The following PXMP4 variants were observed in gnomAD, a reference collection of about 807,000 sequenced individuals.
PXMP4 encodes the protein peroxisomal membrane protein 4.
PXMP4 carries 16 observed loss-of-function variants against 21.6 expected under a neutral mutation model. The ratio of observed to expected loss-of-function variants is 0.74; its 90% CI spans 0.50 to 1.13. The LOEUF (loss-of-function observed/expected upper bound fraction) is 1.13, where lower values mean the gene tolerates loss of function less well. Ranked by LOEUF, PXMP4 falls within the 50% of genes most tolerant of loss-of-function variation. PXMP4 has a pLI of 0.00. For synonymous variants in PXMP4, 127 were observed against 123.8 expected (o/e 1.03, Z -0.17); for missense variants, 240 against 277.7 (o/e 0.86, Z 0.96).
chr20:33,714,426 G>A (rs1181002643), intron 2 of PXMP4, among the ~76,000 whole-genome samples: 1 of 152,122 alleles, frequency 6.6e-6, no homozygotes, highest in African/African-American at 2.4e-5. Context: ...GACTGAAGCA[G>A]GAGAATCGCT....
rs73261877 is a variant in PXMP4 at position 33,709,319 on chromosome 20, C to T, written c.375+1236G>A. Among the ~76,000 whole-genome samples the T allele has an allele frequency of 5.5e-3, 831 of 152,206 alleles. 7 individuals carry two copies. Among genetic ancestry groups the T allele is most frequent in the African/African-American group, 0.019 (769 of 41,522 alleles). Reference sequence around the variant, plus strand: ...CAACAAAAACAAAACAGAACAAAAACCCAACGACTAGCTTTTAGTCTCTTA... The same window carrying T: ...CAACAAAAACAAAACAGAACAAAAATCCAACGACTAGCTTTTAGTCTCTTA... On this transcript the variant is annotated intron_variant, in intron 3 of 3. Coordinates refer to ENST00000409299, the MANE Select transcript of PXMP4 (RefSeq NM_007238.5).
intron 3 of PXMP4, among the ~76,000 whole-genome samples, chr20:33,709,927 ACT>A (rs1295906181): frequency 1.8e-5 from 2 of 108,490 alleles, no homozygotes; most frequent in African/African-American, 3.7e-5. Context: ...CCCACTCCTA[ACT>A]CTACACTGAA....
Position 33,710,733 on chromosome 20 carries a change from G to C in PXMP4, c.197C>G (p.Ala66Gly). ...GTGGATATATGTGGCCTGCAGTATG[G>C]CCCACAGCTTCTCCTGGAGGCTGCA... ...RNGSLQEKLWAILQATYIHSW... is the reference protein window; with the variant it reads ...RNGSLQEKLWGILQATYIHSW... The change falls in exon 3 of 4, where the codon GCC becomes GGC. Residue 66 changes from alanine (A) to glycine (G), a missense_variant. Transcript: ENST00000409299. 6.2e-7 allele frequency: 1 copy of C among 1,610,122 alleles called. No individual in the cohort carries two copies. Among genetic ancestry groups the C allele is most frequent in the Non-Finnish European group, 8.5e-7 (1 of 1,177,488 alleles).
In PXMP4 at chr20:33,716,527, ACTT is replaced by A. The variant is rs572670694; in HGVS notation, c.114-1794_114-1792del. Among the ~76,000 whole-genome samples, 10 of 151,978 alleles carry A rather than the reference ACTT, an allele frequency of 6.6e-5. No individual in the cohort carries two copies. In the South Asian group the frequency reaches 1.0e-3, roughly 16 times the overall value. On this transcript the variant is annotated intron_variant, in intron 1 of 3. Transcript: ENST00000409299. ...ATTTTTCATTGCCACAGATCCCAAA[ACTT>A]CTCTCCAGCACTTCATCTTCCCAAT...
At chr20:33,714,782 ACTTT>A (rs1162293942) in intron 1 of PXMP4, 46 bp from the exon 2 acceptor site, 1 of 1,587,756 alleles carries the variant, frequency 6.3e-7, no homozygotes, top group Non-Finnish European at 8.6e-7. Flanking sequence ...ACTGTGTCGC[ACTTT>A]CTTTTTGGGC....
At chr20:33,713,799 A>G (rs1481535895) in intron 2 of PXMP4, among the ~76,000 whole-genome samples, 2 of 152,274 alleles carry the variant, frequency 1.3e-5, no homozygotes, top group Non-Finnish European at 2.9e-5. Flanking sequence ...CTGCCAGTGC[A>G]TGATTCCTGT....
At chr20:33,710,799 C>T (rs1432085925) in intron 2 of PXMP4, 46 bp from the exon 3 acceptor site, 2 of 1,514,362 alleles carry the variant, frequency 1.3e-6, no homozygotes, top group African/African-American at 2.8e-5. Flanking sequence ...GCTCAGCAGC[C>T]CCAAAGGGCT....
At chr20:33,716,028 G>A (rs1398414194) in intron 1 of PXMP4, among the ~76,000 whole-genome samples, 1 of 149,788 alleles carries the variant, frequency 6.7e-6, no homozygotes, top group Non-Finnish European at 1.5e-5. Flanking sequence ...ATTTTTAGTA[G>A]AGACGAGGTT....
chr20:33,719,256 C>G (rs1392979909), intron 1 of PXMP4, among the ~76,000 whole-genome samples: 2 of 152,302 alleles, frequency 1.3e-5, no homozygotes, highest in East Asian at 3.9e-4. Flanking sequence ...AGTACCATGC[C>G]CATTTTACAG....
intron 3 of PXMP4, among the ~76,000 whole-genome samples, chr20:33,709,449 C>G (rs1175088497): frequency 6.6e-6 from 1 of 152,078 alleles, no homozygotes; most frequent in Non-Finnish European, 1.5e-5. Context: ...TTATGAAAAC[C>G]TTACTTCAGG....
At position 33,707,764 on chromosome 20, in the gene PXMP4, T is replaced by C. The variant is rs774864320; in HGVS notation, c.581A>G (p.Asn194Ser). ...SSMTYLYEDS[N>S]VWHDISDFLV... Reference sequence around the variant, plus strand: ...GAAGTCTGAGATGTCGTGCCATACATTGCTGTCCTCATAGAGGTAGGTCAT... The same window carrying C: ...GAAGTCTGAGATGTCGTGCCATACACTGCTGTCCTCATAGAGGTAGGTCAT... The change falls in exon 4 of 4, where the codon AAT becomes AGT. Residue 194 changes from asparagine (N) to serine (S), a missense_variant. Coordinates refer to ENST00000409299, the MANE Select transcript of PXMP4 (RefSeq NM_007238.5). 3.1e-5 allele frequency: 50 copies of C among 1,614,050 alleles called. No homozygotes were observed. Among genetic ancestry groups the C allele is most frequent in the Admixed American group, 1.0e-4 (6 of 59,992 alleles).
chr20:33,720,124 G>C lies in PXMP4; in HGVS notation c.84C>G (p.Ala28=), dbSNP rs1294196265. 2 of 1,613,666 alleles carry C rather than the reference G, an allele frequency of 1.2e-6. No individual in the cohort carries two copies. Among genetic ancestry groups the C allele is most frequent in the South Asian group, 1.1e-5 (1 of 91,078 alleles). Reference sequence around the variant, plus strand: ...CCCCGTTCCGGAAGCCCTTAAGCACGGCCAACGCAGCGTGGTAGCGGCGCT... The same window carrying C: ...CCCCGTTCCGGAAGCCCTTAAGCACCGCCAACGCAGCGTGGTAGCGGCGCT... ...LRKRRYHAAL[A]VLKGFRNGAV... Residue 28 remains alanine, a synonymous_variant, in exon 1 of 4, where the codon GCC becomes GCG. Coordinates refer to ENST00000409299, the MANE Select transcript of PXMP4 (RefSeq NM_007238.5).
chr20:33,717,527 C>A (rs2018395340), intron 1 of PXMP4, among the ~76,000 whole-genome samples: 2 of 146,296 alleles, frequency 1.4e-5, no homozygotes, highest in Non-Finnish European at 1.5e-5. Flanking sequence ...GTAGTCCCAG[C>A]TACTTGGGAG....
intron 3 of PXMP4, 54 bp from the exon 4 acceptor site, chr20:33,708,023 T>C: frequency 6.5e-7 from 1 of 1,539,880 alleles, no homozygotes; most frequent in Non-Finnish European, 8.8e-7. Context: ...TGTCCCTCTT[T>C]TGTTTTTGAT....
chr20:33,708,886 C>A (rs1380511845), intron 3 of PXMP4, among the ~76,000 whole-genome samples: 1 of 151,920 alleles, frequency 6.6e-6, no homozygotes, highest in Non-Finnish European at 1.5e-5. Context: ...ATGGGATTAC[C>A]GGCATGAGCC....
chr20:33,716,309 CCCT>C (rs2018383459), intron 1 of PXMP4, among the ~76,000 whole-genome samples: 1 of 152,178 alleles, frequency 6.6e-6, no homozygotes, highest in Admixed American at 6.6e-5. Context: ...CACCCCAGGG[CCCT>C]CCTCTGCTGC....
intron 2 of PXMP4, among the ~76,000 whole-genome samples, chr20:33,712,009 G>A (rs1271982391): frequency 6.6e-6 from 1 of 151,876 alleles, no homozygotes; most frequent in Non-Finnish European, 1.5e-5. Context: ...ATCACTAGGG[G>A]GCAGGAAGGA....
At chr20:33,715,364 C>T (rs938346871) in intron 1 of PXMP4, among the ~76,000 whole-genome samples, 8 of 151,390 alleles carry the variant, frequency 5.3e-5, no homozygotes, top group African/African-American at 1.2e-4. Context: ...TGGTCTGGAA[C>T]TCCTGATCTC....
intron 1 of PXMP4, among the ~76,000 whole-genome samples, chr20:33,717,512 C>T (rs1287774474): frequency 1.3e-5 from 2 of 148,604 alleles, no homozygotes; most frequent in Non-Finnish European, 1.5e-5. Context: ...TAGTGGCGGG[C>T]GCCTGTAGTC....
Sources: gnomAD v4.1 joint callset for allele counts (sites outside exome capture counted in the v4.1 genomes callset) on GRCh38, gnomAD v4.1.1 for gene constraint, MANE v1.5 for transcripts, NCBI Gene and HGNC (gene_info 2026-07-23, HGNC 2026-07-21) for gene names.